The following PCDH15 variants were observed in gnomAD, a reference collection of about 807,000 sequenced individuals.
PCDH15 encodes protocadherin-15.
In PCDH15, 129 loss-of-function variants were observed where a neutral mutation model predicts 178.5. That is an observed-to-expected ratio of 0.72 (90% CI 0.63 to 0.84). PCDH15 has a LOEUF of 0.84. Among genes scored for constraint, PCDH15 ranks in the 40% least tolerant of loss-of-function variants. PCDH15 has a pLI of 0.00. For synonymous variants in PCDH15, 800 were observed against 732.0 expected (o/e 1.09, Z -1.50); for missense variants, 2,230 against 2,099.9 (o/e 1.06, Z -1.21).
chr10:53,984,844 A>G lies in PCDH15; in HGVS notation c.2868+10805T>C, dbSNP rs1420842443. Among the ~76,000 whole-genome samples, 3 of 152,096 alleles carry G rather than the reference A, an allele frequency of 2.0e-5. No homozygotes were observed. In the East Asian group the frequency reaches 5.8e-4, roughly 29 times the overall value. On this transcript the variant is annotated intron_variant, in intron 21 of 37. Transcript: ENST00000644397. ...GGTACATTGTATTATAGTTTAGCAA[A>G]TATCCCCTCCCCTTTCTTCTACTTC... is the stretch of plus-strand genomic sequence containing the variant.
At chr10:55,074,054 A>C (rs1841818292) in intron 2 of PCDH15, among the ~76,000 whole-genome samples, 1 of 151,998 alleles carries the variant, frequency 6.6e-6, no homozygotes, top group Non-Finnish European at 1.5e-5. Context: ...ATTCTTTTCT[A>C]TGGCTGCATA....
intron 2 of PCDH15, among the ~76,000 whole-genome samples, chr10:55,367,644 A>G (rs2131985668): frequency 6.6e-6 from 1 of 152,184 alleles, no homozygotes; most frequent in Non-Finnish European, 1.5e-5. Context: ...AGGTTCAGAG[A>G]TTTCTATTTT....
At chr10:54,675,460 GT>G (rs34250846) in intron 1 of PCDH15, among the ~76,000 whole-genome samples, 45,992 of 117,948 alleles carry the variant, frequency 0.39, 7,007 homozygotes, top group Middle Eastern at 0.54. Flanking sequence ...TTTTCATGTT[GT>G]TTTTTTTTTT....
intron 2 of PCDH15, among the ~76,000 whole-genome samples, chr10:54,642,310 T>G (rs2094009566): frequency 6.6e-6 from 1 of 152,194 alleles, no homozygotes; most frequent in South Asian, 2.1e-4. Context: ...CAATAATTTT[T>G]TGTTCCTTAT....
At chr10:55,274,138 A>T (rs1842523448) in intron 1 of PCDH15, among the ~76,000 whole-genome samples, 1 of 152,132 alleles carries the variant, frequency 6.6e-6, no homozygotes, top group South Asian at 2.1e-4. Context: ...AAACTTATGC[A>T]TTGGAAATGA....
intron 18 of PCDH15, among the ~76,000 whole-genome samples, chr10:54,037,476 G>A (rs2093442240): frequency 6.6e-6 from 1 of 151,810 alleles, no homozygotes; most frequent in Non-Finnish European, 1.5e-5. Context: ...CTTGCTGAAG[G>A]TTCAGATGAT....
intron 2 of PCDH15, chr10:55,575,781 C>T (rs1842486068): frequency 6.6e-6 from 1 of 152,142 alleles, no homozygotes; most frequent in Non-Finnish European, 1.5e-5. Context: ...GAACAATTCC[C>T]TTTGGACTAG....
In PCDH15 at chr10:54,519,794, G is replaced by A. The variant is rs11004345; in HGVS notation, c.157+8018C>T. Among the ~76,000 whole-genome samples the A allele has an allele frequency of 8.6e-3, 1,314 of 152,154 alleles. 13 individuals are homozygous for A. The highest frequency in any genetic ancestry group is 0.03 in the African/African-American group (1,236 of 41,488). ...AAAACAACAAAGCTGGAGGCATCACGCTACCTGACTTCAAACTATGCTGCA... is the reference window on the plus strand; with the variant it reads ...AAAACAACAAAGCTGGAGGCATCACACTACCTGACTTCAAACTATGCTGCA... On this transcript the variant is annotated intron_variant, in intron 3 of 37. Transcript: ENST00000644397.
At chr10:54,364,993 G>C (rs757657831) in intron 5 of PCDH15, among the ~76,000 whole-genome samples, 15 of 152,014 alleles carry the variant, frequency 9.9e-5, no homozygotes, top group Admixed American at 9.9e-4. Context: ...GATTGTCTTT[G>C]ATCTCCCCTT....
In PCDH15 at chr10:55,099,829, C is replaced by T. The variant is rs1393857097; in HGVS notation, c.-80+66747G>A. 2.6e-5 allele frequency among the ~76,000 whole-genome samples: 4 copies of T among 152,044 alleles called. No individual in the cohort carries two copies. The South Asian group carries it at 8.3e-4, about 32-fold the overall frequency. ...TTATTTTTAACTTTCTTATTATCAG[C>T]TTTCTTCATTACTCATAGCAGTGGA... is the stretch of plus-strand genomic sequence containing the variant. On this transcript the variant is annotated intron_variant, in intron 2 of 5. Transcript: ENST00000458638.
At chr10:55,205,908 T>C (rs993020067) in intron 1 of PCDH15, among the ~76,000 whole-genome samples, 1 of 151,998 alleles carries the variant, frequency 6.6e-6, no homozygotes, top group East Asian at 1.9e-4. Context: ...ATATCTTACG[T>C]TGATGGCAGC....
At chr10:54,999,302 G>GA (rs752314465) in intron 2 of PCDH15, among the ~76,000 whole-genome samples, 1 of 72,002 alleles carries the variant, frequency 1.4e-5, no homozygotes, top group African/African-American at 4.7e-5. Flanking sequence ...AATAAATAAA[G>GA]AAAATTTTTT....
intron 6 of PCDH15, 61 bp from the exon 7 acceptor site, chr10:54,329,767 A>G (rs1393182665): frequency 3.6e-6 from 4 of 1,096,356 alleles, no homozygotes; most frequent in Non-Finnish European, 5.6e-6. Context: ...TAATAACTCA[A>G]TATTTTGGAT....
chr10:54,879,904 G>A (rs1954229444), intron 3 of PCDH15, among the ~76,000 whole-genome samples: 1 of 151,856 alleles, frequency 6.6e-6, no homozygotes, highest in Non-Finnish European at 1.5e-5. Context: ...ATTCCTTAAT[G>A]TTAACATTTT....
intron 9 of PCDH15, among the ~76,000 whole-genome samples, chr10:54,221,864 A>G (rs1472971286): frequency 2.0e-5 from 3 of 152,126 alleles, no homozygotes; most frequent in African/African-American, 7.2e-5. Context: ...CGGCCTCCCA[A>G]TGTGCTGGGA....
chr10:53,893,819 G>C (rs2081756112), intron 26 of PCDH15, among the ~76,000 whole-genome samples: 1 of 152,048 alleles, frequency 6.6e-6, no homozygotes, highest in Admixed American at 6.6e-5. Flanking sequence ...AAGGTGAGGG[G>C]TAAAAGACTA....
At chr10:54,860,948 C>A (rs537707058) in intron 3 of PCDH15, among the ~76,000 whole-genome samples, 7 of 152,226 alleles carry the variant, frequency 4.6e-5, no homozygotes, top group Non-Finnish European at 7.4e-5. Context: ...AATAGGGAAT[C>A]TTCTTTTTAA....
chr10:55,035,081 T>A (rs1169065844), intron 2 of PCDH15, among the ~76,000 whole-genome samples: 1 of 152,188 alleles, frequency 6.6e-6, no homozygotes, highest in East Asian at 1.9e-4. Context: ...AGATAGATAC[T>A]ATTTCAAATT....
At chr10:55,030,801 C>T (rs1840591235) in intron 2 of PCDH15, among the ~76,000 whole-genome samples, 1 of 151,990 alleles carries the variant, frequency 6.6e-6, no homozygotes, top group African/African-American at 2.4e-5. Flanking sequence ...ATGAATGGAT[C>T]AGAATAATGA....
Sources: gnomAD v4.1 joint callset for allele counts (sites outside exome capture counted in the v4.1 genomes callset) on GRCh38, gnomAD v4.1.1 for gene constraint, MANE v1.5 for transcripts, NCBI Gene and HGNC (gene_info 2026-07-23, HGNC 2026-07-21) for gene names.